The following RNPC3 variants were observed in gnomAD, a reference collection of about 807,000 sequenced individuals.
RNPC3 encodes the protein RNA binding region (RNP1, RRM) containing 3.
Under a neutral mutation model 67.5 loss-of-function variants are expected in RNPC3, and 48 were observed. That is an observed-to-expected ratio of 0.71 (90% CI 0.56 to 0.90). The LOEUF (loss-of-function observed/expected upper bound fraction) is 0.90. RNPC3 is among the 40% of genes least tolerant of loss of function. The pLI is 0.00. For missense variants in RNPC3, 637 were observed against 626.1 expected, an observed-to-expected ratio of 1.02 and a Z score of -0.19; for synonymous variants, 239 against 210.3, an observed-to-expected ratio of 1.14 and a Z score of -1.18.
chr1:103,549,939 G>T (rs1283480721), intron 12 of RNPC3, among the ~76,000 whole-genome samples: 2 of 151,958 alleles, frequency 1.3e-5, no homozygotes, highest in African/African-American at 2.4e-5. Context: ...GAAGCGGGGG[G>T]GATCACTTGA....
At chr1:103,541,241 A>G (rs1651118424) in intron 7 of RNPC3, 109 bp from the exon 8 acceptor site, 1 of 756,404 alleles carries the variant, frequency 1.3e-6, no homozygotes, top group South Asian at 2.4e-5. Context: ...AAATCATTTT[A>G]TAATTTAAAT....
intron 9 of RNPC3, 133 bp from the exon 10 acceptor site, chr1:103,544,804 CTTTT>C (rs1651205132): frequency 4.0e-6 from 2 of 501,082 alleles, no homozygotes; most frequent in Non-Finnish European, 6.6e-6. Flanking sequence ...GTGTATGCCT[CTTTT>C]AGTATATTGA....
chr1:103,525,982 G>A lies in RNPC3; in HGVS notation c.-89G>A. The A allele has an allele frequency of 9.2e-7, 1 of 1,082,922 alleles. No homozygotes were observed. The highest frequency in any genetic ancestry group is 1.3e-6 in the Non-Finnish European group (1 of 774,910). The allele number at this position is 1,082,922 out of a possible 1,614,324, so 67.1% of individuals were successfully genotyped here. On this transcript the variant is annotated 5_prime_UTR_variant, in exon 1 of 15. Transcript: ENST00000423855. ...GTTTCCAGAATCCTTAGCGCGAGGC[G>A]GAAAAAATATTTCTCCCAGCTTGTG...
At chr1:103,542,131 C>T (rs1651136867) in intron 8 of RNPC3, among the ~76,000 whole-genome samples, 1 of 151,936 alleles carries the variant, frequency 6.6e-6, no homozygotes, top group Admixed American at 6.6e-5. Flanking sequence ...GCCAAATGCA[C>T]AGATGATTAT....
rs1219684072 is a variant in RNPC3, at chr1:103,547,053, A to G, written c.1361+18A>G. The G allele has an allele frequency of 7.2e-7, 1 of 1,391,406 alleles. No homozygotes were observed. The highest frequency in any genetic ancestry group is 9.7e-7 in the Non-Finnish European group (1 of 1,036,002). The allele number at this position is 1,391,406 out of a possible 1,614,324, so 86.2% of individuals were successfully genotyped here. ...CGGATCATGTAAGTGACAGTAAAATACAATCTTCAATTATATTTTGTTTTT... is the reference window on the plus strand; with the variant it reads ...CGGATCATGTAAGTGACAGTAAAATGCAATCTTCAATTATATTTTGTTTTT... On this transcript the variant is annotated intron_variant, in intron 12 of 14. Coordinates refer to ENST00000423855, the MANE Select transcript of RNPC3 (RefSeq NM_017619.4).
rs1650705406 is a variant in RNPC3 at position 103,526,275 on chromosome 1, C to G, written c.192+13C>G. On this transcript the variant is annotated intron_variant, in intron 1 of 14. Coordinates refer to ENST00000423855, the MANE Select transcript of RNPC3 (RefSeq NM_017619.4). ...TAAGGGGCGACTGGTAAGGGCGCGC[C>G]CCTCCGGAGTCTCCCGGGAAGGCAT... 6.6e-7 allele frequency: 1 copy of G among 1,515,736 alleles called. No homozygotes were observed. The highest frequency in any genetic ancestry group is 1.4e-5 in the African/African-American group (1 of 72,064). The allele number at this position is 1,515,736 out of a possible 1,614,324, so 93.9% of individuals were successfully genotyped here. A position where few individuals can be genotyped will look rare whatever the true frequency, so the allele number is the denominator to read the frequency against.
intron 7 of RNPC3, among the ~76,000 whole-genome samples, chr1:103,538,568 T>C (rs1651049805): frequency 6.6e-6 from 1 of 152,212 alleles, no homozygotes. Flanking sequence ...AGGTAATGTA[T>C]TGATCAGATG....
rs955446187 is a variant in RNPC3, at chr1:103,529,091, A to G, written c.240+1349A>G. On this transcript the variant is annotated intron_variant, in intron 2 of 14. Coordinates refer to ENST00000423855, the MANE Select transcript of RNPC3 (RefSeq NM_017619.4). ...TGAATAAAGTTGTGAAACATTATAT[A>G]TGATGTAACCTCAGATTTTTTGAAA... Among the ~76,000 whole-genome samples, 5 of 152,232 alleles carry G rather than the reference A, an allele frequency of 3.3e-5. No homozygotes were observed. The East Asian group carries it at 9.6e-4, about 29-fold the overall frequency.
intron 13 of RNPC3, 63 bp from the exon 14 acceptor site, chr1:103,551,658 G>A: frequency 9.2e-7 from 1 of 1,092,370 alleles, no homozygotes; most frequent in Non-Finnish European, 1.3e-6. Context: ...GAAAGTTTTT[G>A]AGAATTATTT....
Position 103,547,002 on chromosome 1 carries a change from A to T in RNPC3, c.1328A>T (p.Tyr443Phe). The change falls in exon 12 of 15, where the codon TAT (tyrosine) becomes TTT (phenylalanine). Residue 443 changes from tyrosine (Y) to phenylalanine (F), a missense_variant. Coordinates refer to ENST00000423855, the MANE Select transcript of RNPC3 (RefSeq NM_017619.4). The part of the protein sequence containing the change: ...EKDLKYIFGR[Y>F]VDFSSETQRI... ...GACCTTAAATATATTTTTGGAAGAT[A>T]TGTTGACTTTTCATCAGAAACACAG... is the stretch of plus-strand genomic sequence containing the variant. 1 of 1,494,466 alleles carries T rather than the reference A, an allele frequency of 6.7e-7. No homozygotes were observed. Among genetic ancestry groups the T allele is most frequent in the Non-Finnish European group, 9.0e-7 (1 of 1,114,232 alleles). The allele number at this position is 1,494,466 out of a possible 1,614,324, so 92.6% of individuals were successfully genotyped here.
Position 103,537,434 on chromosome 1 carries a change from A to G in RNPC3, c.717A>G (p.Leu239=), listed in dbSNP as rs1329398646. ...CTTTGCCAGACGAGGATGAGGAATT[A>G]TCTAGTGAAGAATCAGAATATGAAA... The part of the protein sequence containing the change: ...EPPLPDEDEE[L]SSEESEYEST... Residue 239 remains leucine, a synonymous_variant, in exon 7 of 15, where the codon TTA becomes TTG. Coordinates refer to ENST00000423855, the MANE Select transcript of RNPC3 (RefSeq NM_017619.4). 3.3e-5 allele frequency: 51 copies of G among 1,536,728 alleles called. No homozygotes were observed. The highest frequency in any genetic ancestry group is 1.7e-4 in the Middle Eastern group (1 of 5,906).
At chr1:103,545,299 A>G in intron 10 of RNPC3, 197 bp downstream of exon 10, 1 of 439,064 alleles carries the variant, frequency 2.3e-6, no homozygotes, top group Non-Finnish European at 3.9e-6. Context: ...GTTCCTTTCC[A>G]TACAGTGTTT....
At chr1:103,534,060 T>C (rs770914052) in intron 3 of RNPC3, among the ~76,000 whole-genome samples, 15 of 152,008 alleles carry the variant, frequency 9.9e-5, no homozygotes, top group Non-Finnish European at 1.9e-4. Context: ...TTTAATATTA[T>C]GGGTTAATCA....
At chr1:103,546,523 G>C in intron 11 of RNPC3, 181 bp downstream of exon 11, 1 of 382,308 alleles carries the variant, frequency 2.6e-6, no homozygotes, top group Non-Finnish European at 4.6e-6. Flanking sequence ...TACTCTCATA[G>C]CTTGGGTTCT....
At position 103,535,423 on chromosome 1, in the gene RNPC3, G is replaced by C. The variant is rs1312803000; in HGVS notation, c.537G>C (p.Val179=). ...ACATTGTAAATGCCTTGGCAAGCGT[G>C]CCTAAGTTCTATGTACAGGTAAGTA... is the stretch of plus-strand genomic sequence containing the variant. ...LANIVNALAS[V]PKFYVQVLHL... is the part of the protein sequence containing the mutation. The change falls in exon 5 of 15, where the codon GTG becomes GTC. Residue 179 remains valine, a synonymous_variant. Transcript: ENST00000423855. 5 of 1,534,592 alleles carry C rather than the reference G, an allele frequency of 3.3e-6. No homozygotes were observed. Among genetic ancestry groups the C allele is most frequent in the Non-Finnish European group, 4.4e-6 (5 of 1,144,824 alleles).
intron 9 of RNPC3, 26 bp from the exon 10 acceptor site, chr1:103,544,915 G>C (rs1455145624): frequency 6.9e-7 from 1 of 1,446,048 alleles, no homozygotes; most frequent in East Asian, 2.5e-5. Context: ...GATTCTTAAT[G>C]GTTAATGTTA....
chr1:103,549,722 G>A (rs1397767440), intron 12 of RNPC3, among the ~76,000 whole-genome samples: 1 of 152,104 alleles, frequency 6.6e-6, no homozygotes, highest in Admixed American at 6.5e-5. Context: ...TTAAAAATTT[G>A]GTTTGTGTTT....
chr1:103,545,235 T>G, intron 10 of RNPC3, 133 bp downstream of exon 10: 1 of 666,540 alleles, frequency 1.5e-6, no homozygotes, highest in Non-Finnish European at 2.4e-6. Flanking sequence ...AATTAATGTT[T>G]GTAATCACTT....
intron 6 of RNPC3, 59 bp downstream of exon 6, chr1:103,536,253 G>A: frequency 2.4e-6 from 3 of 1,245,084 alleles, no homozygotes; most frequent in Non-Finnish European, 3.4e-6. Context: ...GGATTATTGA[G>A]GCTGAATTAT....
Sources: gnomAD v4.1 joint callset for allele counts (sites outside exome capture counted in the v4.1 genomes callset) on GRCh38, gnomAD v4.1.1 for gene constraint, MANE v1.5 for transcripts, NCBI Gene and HGNC (gene_info 2026-07-23, HGNC 2026-07-21) for gene names.